The following RABGEF1 variants were observed in gnomAD, a reference collection of about 807,000 sequenced individuals.
RABGEF1 encodes the protein RAB guanine nucleotide exchange factor 1, also known as rab5 GDP/GTP exchange factor.
Under a neutral mutation model 57.3 loss-of-function variants are expected in RABGEF1, and 26 were observed. That is an observed-to-expected ratio of 0.45 (90% CI 0.33 to 0.63). The LOEUF is 0.63. Among genes scored for constraint, RABGEF1 ranks in the 20% least tolerant of loss-of-function variants. The pLI is 0.02. For synonymous variants in RABGEF1, 185 were observed against 210.7 expected, an observed-to-expected ratio of 0.88 and a Z score of 1.06; for missense variants, 464 against 607.6, an observed-to-expected ratio of 0.76 and a Z score of 2.48.
chr7:66,785,952 C>G (rs559003805), intron 4 of RABGEF1, among the ~76,000 whole-genome samples: 45 of 152,240 alleles, frequency 3.0e-4, no homozygotes, highest in Admixed American at 2.6e-4. Context: ...TTACCACCAA[C>G]TAAACTTTCT....
chr7:66,693,082 G>GC (rs1272363729), intron 1 of RABGEF1, among the ~76,000 whole-genome samples: 1 of 152,170 alleles, frequency 6.6e-6, no homozygotes, highest in Non-Finnish European at 1.5e-5. Context: ...CAGCTGAAAG[G>GC]CACGTCGTTC....
At chr7:66,761,269 C>A (rs967675267) in intron 1 of RABGEF1, among the ~76,000 whole-genome samples, 2 of 152,136 alleles carry the variant, frequency 1.3e-5, no homozygotes, top group African/African-American at 2.4e-5. Flanking sequence ...GGACTCAGTC[C>A]CCATGAGTGC....
intron 1 of RABGEF1, among the ~76,000 whole-genome samples, chr7:66,705,919 G>T (rs1163597905): frequency 1.7e-5 from 2 of 118,588 alleles, no homozygotes; most frequent in Non-Finnish European, 3.3e-5. Flanking sequence ...TTTTTGAGAC[G>T]GAGTCTCGCT....
At chr7:66,798,507 G>A (rs1205462382) in intron 6 of RABGEF1, among the ~76,000 whole-genome samples, 1 of 152,166 alleles carries the variant, frequency 6.6e-6, no homozygotes, top group Non-Finnish European at 1.5e-5. Context: ...TAACTAGAGG[G>A]GCCCTGGACC....
At chr7:66,675,999 T>A in the RABGEF1 span, among the ~76,000 whole-genome samples, 1 of 152,106 alleles carries the variant, frequency 6.6e-6, no homozygotes, top group South Asian at 2.1e-4. Flanking sequence ...GCTCTCGATA[T>A]ATCCTGGATA....
intron 1 of RABGEF1, among the ~76,000 whole-genome samples, chr7:66,699,152 A>G (rs553569898): frequency 1.1e-3 from 163 of 152,026 alleles, no homozygotes; most frequent in African/African-American, 3.6e-3. Context: ...TCGTGGGTCC[A>G]TTCTCTCCCC....
intron 1 of RABGEF1, among the ~76,000 whole-genome samples, chr7:66,704,213 G>T (rs2117289812): frequency 1.3e-5 from 2 of 152,292 alleles, no homozygotes; most frequent in South Asian, 4.1e-4. Context: ...GAGACTGTAG[G>T]CACTAAGTGA....
chr7:66,782,546 C>CT (rs1183419461), intron 3 of RABGEF1, among the ~76,000 whole-genome samples: 1 of 150,906 alleles, frequency 6.6e-6, no homozygotes, highest in African/African-American at 2.4e-5. Context: ...TCGTAGCTCA[C>CT]TGCAGCGTCA....
intron 1 of RABGEF1, among the ~76,000 whole-genome samples, chr7:66,747,751 G>T (rs982310640): frequency 6.6e-6 from 1 of 152,098 alleles, no homozygotes; most frequent in African/African-American, 2.4e-5. Context: ...ATTAGAAATT[G>T]AACATAGAAA....
At chr7:66,707,375 T>C (rs1453953496) in intron 1 of RABGEF1, among the ~76,000 whole-genome samples, 4 of 152,126 alleles carry the variant, frequency 2.6e-5, no homozygotes, top group African/African-American at 9.7e-5. Context: ...TTTTCTGATC[T>C]GATATCTAGT....
chr7:66,780,123 G>C (rs905390941), intron 3 of RABGEF1, among the ~76,000 whole-genome samples: 4 of 152,172 alleles, frequency 2.6e-5, no homozygotes, highest in Non-Finnish European at 5.9e-5. Context: ...AAGCAATAAA[G>C]GAAATGAGTA....
At chr7:66,659,341 G>T in the RABGEF1 span, among the ~76,000 whole-genome samples, 1 of 151,854 alleles carries the variant, frequency 6.6e-6, no homozygotes, top group Non-Finnish European at 1.5e-5. Flanking sequence ...AACCCCAGCT[G>T]CTTGGGAGGC....
chr7:66,657,245 G>A, the RABGEF1 span, among the ~76,000 whole-genome samples: 12 of 152,236 alleles, frequency 7.9e-5, no homozygotes, highest in Admixed American at 5.9e-4. Context: ...GTATTAGGCT[G>A]CAAAACAAAT....
intron 8 of RABGEF1, among the ~76,000 whole-genome samples, chr7:66,807,113 C>CT (rs948478451): frequency 2.6e-4 from 39 of 152,310 alleles, no homozygotes; most frequent in African/African-American, 8.7e-4. Flanking sequence ...CGTGTTTGAG[C>CT]GTAGCCACGG....
chr7:66,732,561 G>A (rs892193476), intron 2 of RABGEF1, among the ~76,000 whole-genome samples: 2 of 152,014 alleles, frequency 1.3e-5, no homozygotes, highest in African/African-American at 4.8e-5. Flanking sequence ...CGATCCTCTG[G>A]GTGTCTCATC....
chr7:66,689,481 C>G (rs1025830892), intron 1 of RABGEF1, among the ~76,000 whole-genome samples: 2 of 151,916 alleles, frequency 1.3e-5, no homozygotes, highest in African/African-American at 2.4e-5. Context: ...CAAAACCTAC[C>G]AAGACTAAAT....
intron 1 of RABGEF1, among the ~76,000 whole-genome samples, chr7:66,691,825 G>A (rs552828288): frequency 6.6e-6 from 1 of 152,186 alleles, no homozygotes; most frequent in African/African-American, 2.4e-5. Context: ...AGACTGAGGC[G>A]GGAGGATCAC....
chr7:66,744,829 G>C (rs916095468), intron 1 of RABGEF1, among the ~76,000 whole-genome samples: 4 of 152,120 alleles, frequency 2.6e-5, no homozygotes, highest in African/African-American at 7.2e-5. Flanking sequence ...AGTGTTTAAT[G>C]AGTACTTAAC....
intron 1 of RABGEF1, among the ~76,000 whole-genome samples, chr7:66,762,961 G>T (rs917456120): frequency 9.2e-5 from 14 of 152,162 alleles, no homozygotes; most frequent in Non-Finnish European, 1.8e-4. Context: ...CAACAAAGGG[G>T]TAAGTGGGAA....
Sources: gnomAD v4.1 joint callset for allele counts (sites outside exome capture counted in the v4.1 genomes callset) on GRCh38, gnomAD v4.1.1 for gene constraint, MANE v1.5 for transcripts, NCBI Gene and HGNC (gene_info 2026-07-23, HGNC 2026-07-21) for gene names.